Variants in ATP2B2 observed in about 807,000 individuals in gnomAD.
The protein encoded by ATP2B2 is ATPase plasma membrane Ca2+ transporting 2.
In ATP2B2, 15 loss-of-function variants were observed where a neutral mutation model predicts 120.0. The observed-to-expected ratio is 0.12, with a 90% confidence interval of 0.08 to 0.19. ATP2B2 has a LOEUF of 0.19. ATP2B2 is among the 10% of genes least tolerant of loss of function. The pLI, the probability that ATP2B2 is intolerant of heterozygous loss-of-function variation, is 1.00. For synonymous variants in ATP2B2, 694 were observed against 700.3 expected, an observed-to-expected ratio of 0.99 and a Z score of 0.14; for missense variants, 1,045 against 1,719.8, an observed-to-expected ratio of 0.61 and a Z score of 6.94.
chr3:10,522,204 G>A (rs1315568671), intron 3 of ATP2B2, among the ~76,000 whole-genome samples: 2 of 152,200 alleles, frequency 1.3e-5, no homozygotes, highest in East Asian at 1.9e-4. Context: ...TCGTGGTCCC[G>A]TGTATGTGTA....
chr3:10,459,106 C>T lies in ATP2B2; in HGVS notation c.-319-9244G>A, dbSNP rs114733053. ...GGTCAAGTCGTGCTTGGCTGGAGGC[C>T]GAAGGAAGGAGAAATGCCCTAGAAT... On this transcript the variant is annotated intron_variant, in intron 1 of 22. Coordinates refer to ENST00000360273, the MANE Select transcript of ATP2B2 (RefSeq NM_001001331.4). 5.3e-3 allele frequency among the ~76,000 whole-genome samples: 812 copies of T among 152,248 alleles called. 6 individuals are homozygous for T. The highest frequency in any genetic ancestry group is 0.012 in the South Asian group (57 of 4,814).
chr3:10,452,581 G>T (rs1436076085), intron 1 of ATP2B2, among the ~76,000 whole-genome samples: 1 of 152,220 alleles, frequency 6.6e-6, no homozygotes, highest in Admixed American at 6.5e-5. Flanking sequence ...CAAGGATAGA[G>T]TGAGGCAAAT....
intron 10 of ATP2B2, among the ~76,000 whole-genome samples, chr3:10,376,052 T>C (rs2061372301): frequency 6.6e-6 from 1 of 152,242 alleles, no homozygotes; most frequent in Admixed American, 6.5e-5. Context: ...GTATCATTTA[T>C]TTATTCATTT....
At chr3:10,687,261 C>T (rs2071546344) in intron 1 of ATP2B2, among the ~76,000 whole-genome samples, 1 of 152,134 alleles carries the variant, frequency 6.6e-6, no homozygotes, top group African/African-American at 2.4e-5. Flanking sequence ...AAGTACCTTT[C>T]CCCAAAGTGT....
intron 1 of ATP2B2, among the ~76,000 whole-genome samples, chr3:10,481,982 G>T (rs1249799151): frequency 1.3e-5 from 2 of 152,190 alleles, no homozygotes; most frequent in African/African-American, 2.4e-5. Flanking sequence ...AACTGTCCTG[G>T]TTTGCCTCGG....
At position 10,379,303 on chromosome 3, in the gene ATP2B2, T is replaced by TAACAGACAACAGAG. The variant is rs1185818587; in HGVS notation, c.1001-33_1001-20dup. On this transcript the variant is annotated intron_variant, in intron 8 of 22. Transcript: ENST00000360273. ...ATTTTACCTACACGACAAAGAATTT[T>TAACAGACAACAGAG]AACAGACAACAGAGAACAGACAACA... The TAACAGACAACAGAG allele has an allele frequency of 1.2e-6, 2 of 1,613,606 alleles. No individual in the cohort carries two copies. The highest frequency in any genetic ancestry group is 3.3e-5 in the Admixed American group (2 of 60,022).
At chr3:10,387,578 G>C (rs2061716819) in intron 6 of ATP2B2, among the ~76,000 whole-genome samples, 2 of 152,218 alleles carry the variant, frequency 1.3e-5, no homozygotes, top group African/African-American at 4.8e-5. Flanking sequence ...CAGAAGCCTG[G>C]GCCTTTGGAT....
Position 10,378,339 on chromosome 3 carries a change from C to T in ATP2B2, c.1114G>A (p.Asp372Asn), listed in dbSNP as rs1424406166. The change falls in exon 10 of 23, where the codon GAC becomes AAC. Residue 372 changes from aspartate (D) to asparagine (N), a missense_variant. Coordinates refer to ENST00000360273, the MANE Select transcript of ATP2B2 (RefSeq NM_001001331.4). ...TTGTGCATGCTGGCCTTCTTCCTGT[C>T]GTCAGCGTCGCCGCCCTCGGCACTC... The part of the protein sequence containing the change: ...LKSAEGGDAD[D>N]RKKASMHKKE... The T allele has an allele frequency of 2.5e-6, 4 of 1,608,444 alleles. No homozygotes were observed. The highest frequency in any genetic ancestry group is 1.7e-5 in the Admixed American group (1 of 60,032).
At chr3:10,695,251 G>GGGGAGAGAGAGA (rs796790324) in intron 1 of ATP2B2, among the ~76,000 whole-genome samples, 1 of 126,910 alleles carries the variant, frequency 7.9e-6, no homozygotes, top group Non-Finnish European at 1.6e-5. Context: ...AGGGAGGGAG[G>GGGGAGAGAGAGA]GAGAGAGAGA....
At chr3:10,609,699 T>C (rs2069178008) in intron 2 of ATP2B2, among the ~76,000 whole-genome samples, 1 of 152,182 alleles carries the variant, frequency 6.6e-6, no homozygotes, top group South Asian at 2.1e-4. Flanking sequence ...TTTGTTTTAA[T>C]GGGAATGCAT....
chr3:10,471,371 T>A (rs1305315990), intron 1 of ATP2B2, among the ~76,000 whole-genome samples: 8 of 32,014 alleles, frequency 2.5e-4, no homozygotes, highest in African/African-American at 9.3e-4. Context: ...AACCTGTGTG[T>A]GTGTGTGTGT....
chr3:10,624,561 CAG>C (rs1553640824), intron 1 of ATP2B2, among the ~76,000 whole-genome samples: 1 of 152,156 alleles, frequency 6.6e-6, no homozygotes, highest in Non-Finnish European at 1.5e-5. Flanking sequence ...TTTTTGAACA[CAG>C]GGGTGAGGTT....
chr3:10,359,731 C>G, intron 13 of ATP2B2, 151 bp downstream of exon 13: 1 of 1,104,980 alleles, frequency 9.0e-7, no homozygotes, highest in Non-Finnish European at 1.3e-6. Context: ...TTGGGCAGGG[C>G]CCTCTGTGGC....
intron 12 of ATP2B2, among the ~76,000 whole-genome samples, chr3:10,371,399 CCTAG>C (rs2061237304): frequency 1.3e-5 from 2 of 152,326 alleles, no homozygotes; most frequent in African/African-American, 4.8e-5. Context: ...CAGGAGGAAG[CCTAG>C]CTGAGACCAG....
At chr3:10,439,948 A>C (rs1468490312) in intron 2 of ATP2B2, among the ~76,000 whole-genome samples, 1 of 151,892 alleles carries the variant, frequency 6.6e-6, no homozygotes, top group Non-Finnish European at 1.5e-5. Context: ...TCTACAAAAA[A>C]AAAAATTACC....
chr3:10,380,624 G>A (rs562471055), intron 8 of ATP2B2, among the ~76,000 whole-genome samples: 3 of 152,296 alleles, frequency 2.0e-5, no homozygotes, highest in African/African-American at 4.8e-5. Flanking sequence ...GCCTACTTCC[G>A]TCCTGCCATT....
rs915452323 is a variant in ATP2B2, at chr3:10,693,250, G to A, written c.-460+14665C>T. ...CAGTATCTGGTATTTTTAAAGTCAT[G>A]GATATTCAACGCACATTTCATAACT... On this transcript the variant is annotated intron_variant, in intron 1 of 21. Coordinates refer to the ATP2B2 transcript ENST00000646379. 1.1e-4 allele frequency among the ~76,000 whole-genome samples: 17 copies of A among 152,314 alleles called. No homozygotes were observed. In the East Asian group the frequency reaches 3.3e-3, roughly 29 times the overall value.
chr3:10,599,033 C>T lies in ATP2B2; in HGVS notation c.-415+20884G>A, dbSNP rs77190099. Among the ~76,000 whole-genome samples the T allele has an allele frequency of 4.5e-4, 69 of 152,364 alleles. 2 individuals are homozygous for T. In the East Asian group the frequency reaches 0.013, roughly 28 times the overall value. On this transcript the variant is annotated intron_variant, in intron 2 of 21. Transcript: ENST00000646379. ...TGCCCAGGCCTGCAGTAACAATTGG[C>T]TTCAGAGAGGGACCCAGTGCCCAGG...
chr3:10,486,642 G>T (rs1008134550), intron 1 of ATP2B2, among the ~76,000 whole-genome samples: 5 of 152,088 alleles, frequency 3.3e-5, no homozygotes, highest in Admixed American at 6.5e-5. Flanking sequence ...CCCTGACCAC[G>T]CTAGTGGCAG....
Sources: allele counts gnomAD v4.1 joint callset (sites outside exome capture counted in the v4.1 genomes callset), GRCh38; gene constraint gnomAD v4.1.1; transcripts MANE v1.5; gene names NCBI Gene and HGNC (gene_info 2026-07-23, HGNC 2026-07-21).